The following WWOX variants were observed in gnomAD, a reference collection of about 807,000 sequenced individuals.
WWOX encodes the protein WW domain-containing oxidoreductase.
Under a neutral mutation model 46.2 loss-of-function variants are expected in WWOX, and 69 were observed. That is an observed-to-expected ratio of 1.49 (90% CI 1.23 to 1.82). The LOEUF is 1.82. WWOX is among the 40% of genes most tolerant of loss of function. WWOX has a pLI of 0.00. For synonymous variants in WWOX, 359 were observed against 202.6 expected (o/e 1.77, Z -6.56); for missense variants, 919 against 542.6 (o/e 1.69, Z -6.89).
chr16:78,156,924 C>G (rs2151727592), intron 4 of WWOX, among the ~76,000 whole-genome samples: 1 of 152,276 alleles, frequency 6.6e-6, no homozygotes, highest in East Asian at 1.9e-4. Context: ...GAGTGAGACT[C>G]TGTCTCAGTC....
At chr16:78,709,129 G>C (rs771620939) in intron 8 of WWOX, among the ~76,000 whole-genome samples, 10 of 152,066 alleles carry the variant, frequency 6.6e-5, no homozygotes, top group Non-Finnish European at 1.2e-4. Context: ...TCTCCTCCTC[G>C]TTCTCTAAAT....
chr16:78,188,061 A>G (rs530588867), intron 5 of WWOX, among the ~76,000 whole-genome samples: 36 of 152,314 alleles, frequency 2.4e-4, no homozygotes, highest in Admixed American at 5.2e-4. Context: ...TTCTTATTCA[A>G]TCGATTAAAA....
intron 8 of WWOX, among the ~76,000 whole-genome samples, chr16:78,848,071 C>T (rs573196801): frequency 1.2e-4 from 19 of 152,302 alleles, no homozygotes; most frequent in African/African-American, 4.3e-4. Context: ...AGCCAAGCTA[C>T]CACCTGACCC....
chr16:78,357,293 T>G lies in WWOX; in HGVS notation c.517-29567T>G, dbSNP rs999430604. Among the ~76,000 whole-genome samples, 33 of 152,202 alleles carry G rather than the reference T, an allele frequency of 2.2e-4. 1 individual carries two copies. Among genetic ancestry groups the G allele is most frequent in the Admixed American group, 5.9e-4 (9 of 15,272 alleles). ...GAACATGCTAGGTTCTGTTGAGACCTGACTTTGGGAATAGCATAGGTACTT... is the reference window on the plus strand; with the variant it reads ...GAACATGCTAGGTTCTGTTGAGACCGGACTTTGGGAATAGCATAGGTACTT... On this transcript the variant is annotated intron_variant, in intron 5 of 8. Transcript: ENST00000566780.
intron 8 of WWOX, among the ~76,000 whole-genome samples, chr16:79,124,079 T>C (rs1290394974): frequency 3.3e-5 from 5 of 151,968 alleles, no homozygotes; most frequent in Non-Finnish European, 7.4e-5. Flanking sequence ...GGAGCACTCG[T>C]GCTCTGAAAG....
chr16:78,880,024 A>G (rs2044311230), intron 8 of WWOX, among the ~76,000 whole-genome samples: 2 of 152,242 alleles, frequency 1.3e-5, no homozygotes, highest in South Asian at 2.1e-4. Context: ...ATTTATAGTC[A>G]AAAGTAGATA....
chr16:78,656,039 T>G (rs1190310270), intron 8 of WWOX, among the ~76,000 whole-genome samples: 4 of 152,146 alleles, frequency 2.6e-5, no homozygotes, highest in Admixed American at 2.6e-4. Flanking sequence ...AAAGGTCTGT[T>G]TTGAAATGGG....
At chr16:78,882,472 C>T (rs1383596691) in intron 8 of WWOX, among the ~76,000 whole-genome samples, 1 of 137,520 alleles carries the variant, frequency 7.3e-6, no homozygotes, top group African/African-American at 2.8e-5. Context: ...ACACACCATA[C>T]ATCTTTTTTT....
intron 4 of WWOX, among the ~76,000 whole-genome samples, chr16:78,147,378 C>T (rs1424156644): frequency 6.6e-6 from 1 of 152,112 alleles, no homozygotes; most frequent in Non-Finnish European, 1.5e-5. Flanking sequence ...CCACAGAGCA[C>T]AGAGTTAATG....
intron 1 of WWOX, among the ~76,000 whole-genome samples, chr16:78,106,324 A>G (rs1383067967): frequency 6.6e-6 from 1 of 151,690 alleles, no homozygotes; most frequent in African/African-American, 2.4e-5. Flanking sequence ...TTCATTTTGA[A>G]GGAGAAGCAG....
At chr16:79,043,595 C>G (rs1407167521) in intron 8 of WWOX, among the ~76,000 whole-genome samples, 1 of 152,114 alleles carries the variant, frequency 6.6e-6, no homozygotes, top group Non-Finnish European at 1.5e-5. Flanking sequence ...GCATTATAAC[C>G]CTAATGTTTG....
At chr16:78,404,390 G>C (rs1464553820) in intron 6 of WWOX, among the ~76,000 whole-genome samples, 1 of 152,056 alleles carries the variant, frequency 6.6e-6, no homozygotes, top group Non-Finnish European at 1.5e-5. Flanking sequence ...TCAGGGGTTT[G>C]GGGCCCATTA....
intron 8 of WWOX, among the ~76,000 whole-genome samples, chr16:78,769,985 T>C (rs2142515669): frequency 6.6e-6 from 1 of 152,202 alleles, no homozygotes; most frequent in African/African-American, 2.4e-5. Flanking sequence ...TTGAGGCTGC[T>C]GTGAGCTATG....
intron 7 of WWOX, among the ~76,000 whole-genome samples, chr16:78,430,457 A>T (rs1483745568): frequency 6.6e-6 from 1 of 152,170 alleles, no homozygotes; most frequent in Non-Finnish European, 1.5e-5. Flanking sequence ...CTAGGCTCAG[A>T]TAATTATCCA....
At chr16:78,333,482 G>C (rs1474123524) in intron 5 of WWOX, among the ~76,000 whole-genome samples, 1 of 151,978 alleles carries the variant, frequency 6.6e-6, no homozygotes, top group Non-Finnish European at 1.5e-5. Flanking sequence ...TAGTTTAACT[G>C]GTAAAAAATA....
chr16:78,667,947 C>T (rs569919510), intron 8 of WWOX, among the ~76,000 whole-genome samples: 1 of 152,102 alleles, frequency 6.6e-6, no homozygotes, highest in Non-Finnish European at 1.5e-5. Flanking sequence ...CTGTGCTGCT[C>T]TCAGCCAAAG....
chr16:78,825,893 C>T (rs1354111039), intron 8 of WWOX: 1 of 693,448 alleles, frequency 1.4e-6, no homozygotes, highest in Non-Finnish European at 2.6e-6. Context: ...TCTGCCTGAC[C>T]ACGTGAGCAT....
At chr16:78,880,052 C>A (rs542091241) in intron 8 of WWOX, among the ~76,000 whole-genome samples, 1 of 152,180 alleles carries the variant, frequency 6.6e-6, no homozygotes, top group African/African-American at 2.4e-5. Flanking sequence ...AGAGTGAAAA[C>A]AGAGACATGA....
chr16:78,899,481 G>C (rs2044775031), intron 8 of WWOX: 1 of 152,120 alleles, frequency 6.6e-6, no homozygotes, highest in African/African-American at 2.4e-5. Context: ...TACAATGACT[G>C]ATACACAGTG....
Sources: gnomAD v4.1 joint callset for allele counts (sites outside exome capture counted in the v4.1 genomes callset) on GRCh38, gnomAD v4.1.1 for gene constraint, MANE v1.5 for transcripts, NCBI Gene and HGNC (gene_info 2026-07-23, HGNC 2026-07-21) for gene names.